The following LMOD1 variants were observed in gnomAD, a reference collection of about 807,000 sequenced individuals.
LMOD1 encodes the protein leiomodin-1.
A neutral mutation model predicts 36.5 loss-of-function variants in LMOD1; 8 were observed. The ratio of observed to expected loss-of-function variants is 0.22; its 90% CI spans 0.13 to 0.40. The LOEUF is 0.40. Ranked by LOEUF, LMOD1 falls within the 10% of genes least tolerant of loss-of-function variation. The probability of loss-of-function intolerance (pLI) is 1.00; values close to 1 mark genes in which losing one functional copy is unlikely to be tolerated. For synonymous variants in LMOD1, 284 were observed against 288.7 expected (o/e 0.98, Z 0.17); for missense variants, 630 against 751.1 (o/e 0.84, Z 1.88).
chr1:201,924,673 GAAAGA>G (rs1296839865), intron 1 of LMOD1, among the ~76,000 whole-genome samples: 1 of 11,920 alleles, frequency 8.4e-5, no homozygotes, highest in Non-Finnish European at 2.5e-4. Context: ...AAAAAAGAAA[GAAAGA>G]AAGAAAGAAA....
At chr1:201,918,586 G>A (rs1174258913) in intron 1 of LMOD1, among the ~76,000 whole-genome samples, 1 of 152,102 alleles carries the variant, frequency 6.6e-6, no homozygotes, top group African/African-American at 2.4e-5. Flanking sequence ...GGCTCTCTTG[G>A]GTCTTGTTGC....
chr1:201,933,595 T>TTTTATATATATA (rs1553298744), intron 1 of LMOD1, among the ~76,000 whole-genome samples: 1 of 63,234 alleles, frequency 1.6e-5, no homozygotes, highest in African/African-American at 4.6e-5. Flanking sequence ...TATACATACA[T>TTTTATATATATA]TATATATATA....
intron 1 of LMOD1, among the ~76,000 whole-genome samples, chr1:201,901,530 G>GTGTA (rs1273957700): frequency 2.0e-5 from 1 of 50,060 alleles, no homozygotes; most frequent in African/African-American, 1.1e-4. Context: ...ATATATATAT[G>GTGTA]TATATATATA....
intron 1 of LMOD1, among the ~76,000 whole-genome samples, chr1:201,909,688 T>G (rs781564911): frequency 2.6e-5 from 4 of 152,208 alleles, no homozygotes; most frequent in Non-Finnish European, 5.9e-5. Flanking sequence ...ACCTCACTTC[T>G]CCAGCATAAC....
intron 1 of LMOD1, among the ~76,000 whole-genome samples, chr1:201,912,053 C>T (rs1681504797): frequency 6.6e-6 from 1 of 152,120 alleles, no homozygotes; most frequent in African/African-American, 2.4e-5. Flanking sequence ...TTCCAGTCTG[C>T]TAATGTATGT....
At chr1:201,901,660 GTATATATATATATACACATA>G (rs1681325971) in intron 1 of LMOD1, among the ~76,000 whole-genome samples, 2 of 85,614 alleles carry the variant, frequency 2.3e-5, no homozygotes, top group Non-Finnish European at 4.5e-5. Flanking sequence ...ATATATATGT[GTATATATATATATACACATA>G]TATATATGTG....
At chr1:201,933,642 G>A (rs1681969351) in intron 1 of LMOD1, among the ~76,000 whole-genome samples, 2 of 122,950 alleles carry the variant, frequency 1.6e-5, no homozygotes, top group Non-Finnish European at 1.8e-5. Flanking sequence ...CTAACCTAGG[G>A]GATTAGAAAT....
At chr1:201,910,741 A>ATTTTTT (rs1454275213) in intron 1 of LMOD1, among the ~76,000 whole-genome samples, 26 of 28,240 alleles carry the variant, frequency 9.2e-4, no homozygotes, top group Non-Finnish European at 1.7e-3. Flanking sequence ...AGATGGTGTC[A>ATTTTTT]TTCTTTTTTT....
chr1:201,934,602 C>T (rs1408054388), intron 1 of LMOD1, among the ~76,000 whole-genome samples: 1 of 152,194 alleles, frequency 6.6e-6, no homozygotes, highest in Non-Finnish European at 1.5e-5. Context: ...TATTCTGCTT[C>T]CCATTAGAAC....
Position 201,900,245 on chromosome 1 carries a change from T to A in LMOD1, c.768A>T (p.Lys256Asn). Reference protein sequence around the residue: ...TDMKKEDEKVKRGTGNTDTKK... With the variant: ...TDMKKEDEKVNRGTGNTDTKK... Reference sequence around the variant, plus strand: ...TGGTGTCTGTGTTCCCAGTTCCTCTTTTTACCTTCTCATCCTCCTTTTTCA... The same window carrying A: ...TGGTGTCTGTGTTCCCAGTTCCTCTATTTACCTTCTCATCCTCCTTTTTCA... The change falls in exon 2 of 3, where the codon AAA becomes AAT. Residue 256 changes from lysine to asparagine, a missense_variant. Lys to Asn is a moderately conservative substitution (Grantham distance 94). Coordinates refer to ENST00000367288, the MANE Select transcript of LMOD1 (RefSeq NM_012134.3). 1 of 1,613,824 alleles carries A rather than the reference T, an allele frequency of 6.2e-7. No individual in the cohort carries two copies. The highest frequency in any genetic ancestry group is 8.5e-7 in the Non-Finnish European group (1 of 1,179,812).
intron 1 of LMOD1, among the ~76,000 whole-genome samples, chr1:201,923,631 C>CG (rs1457792366): frequency 1.3e-5 from 2 of 151,238 alleles, no homozygotes; most frequent in Admixed American, 1.3e-4. Context: ...GAGAGGCCAA[C>CG]GGGGGGCAGA....
intron 1 of LMOD1, among the ~76,000 whole-genome samples, chr1:201,938,131 CTT>C (rs200629884): frequency 1.9e-4 from 26 of 139,316 alleles, no homozygotes; most frequent in Admixed American, 2.9e-4. Flanking sequence ...TTGTAATTTC[CTT>C]TTTTTTTTTT....
chr1:201,899,391 A>C lies in LMOD1; in HGVS notation c.1622T>G (p.Leu541Trp). 6.7e-7 allele frequency: 1 copy of C among 1,488,620 alleles called. No homozygotes were observed. The highest frequency in any genetic ancestry group is 9.3e-7 in the Non-Finnish European group (1 of 1,070,058). The allele number at this position is 1,488,620 out of a possible 1,614,324, so 92.2% of individuals were successfully genotyped here. ...GTTCTCCATGATAAGGGGTGGAGCC[A>C]AGGGAGGGGGAGGGGGTGGTGGGGC... ...PAAPPPPPPP[L>W]APPLIMENLK... Residue 541 changes from leucine (L) to tryptophan (W), a missense_variant, in exon 2 of 3, where the codon TTG becomes TGG. Physicochemically the swap from Leu to Trp is moderately conservative, Grantham distance 61. Transcript: ENST00000367288. This position sits in a 1 kb window ranked among gnomAD's most constrained non-coding sequence, Gnocchi z 6.3.
In LMOD1 at chr1:201,901,624, GTGTGTGTA is replaced by G. The variant is rs1182267306; in HGVS notation, c.262-881_262-874del. ...TATATATATATACACATATATATGT[GTGTGTGTA>G]TATATATATATATATACATATATAT... On this transcript the variant is annotated intron_variant, in intron 1 of 2. Transcript: ENST00000367288. Among the ~76,000 whole-genome samples the G allele has an allele frequency of 5.9e-3, 75 of 12,608 alleles. 3 individuals carry two copies. Among genetic ancestry groups the G allele is most frequent in the South Asian group, 0.034 (10 of 292 alleles). The allele number at this position is 12,608 out of a possible 152,430, so 8.3% of individuals were successfully genotyped here. A position where few individuals can be genotyped will look rare whatever the true frequency, so the allele number is the denominator to read the frequency against.
intron 1 of LMOD1, among the ~76,000 whole-genome samples, chr1:201,945,802 T>C (rs1460723144): frequency 2.0e-5 from 3 of 152,176 alleles, no homozygotes; most frequent in Non-Finnish European, 4.4e-5. Context: ...GACAATGGAC[T>C]CTTCAAGGAC....
intron 1 of LMOD1, among the ~76,000 whole-genome samples, chr1:201,927,028 C>T (rs1354040217): frequency 6.6e-6 from 1 of 152,146 alleles, no homozygotes; most frequent in Non-Finnish European, 1.5e-5. Context: ...TGGCTATTTT[C>T]CTTTTTTTCC....
At chr1:201,919,995 A>C (rs529809504) in intron 1 of LMOD1, among the ~76,000 whole-genome samples, 1 of 150,380 alleles carries the variant, frequency 6.6e-6, no homozygotes, top group African/African-American at 2.4e-5. Context: ...CAAAGAGTAG[A>C]AGGAATATAT....
chr1:201,921,959 CA>C (rs34830505), intron 1 of LMOD1, among the ~76,000 whole-genome samples: 144,512 of 147,634 alleles, frequency 0.98, 70,775 homozygotes, highest in Non-Finnish European at 1. Flanking sequence ...GATTCCATCT[CA>C]AAAAAAAAAA....
At chr1:201,923,929 G>GAGAA (rs1447729806) in intron 1 of LMOD1, among the ~76,000 whole-genome samples, 6 of 145,224 alleles carry the variant, frequency 4.1e-5, no homozygotes, top group East Asian at 2.0e-4. Flanking sequence ...GAGAGAGAGA[G>GAGAA]AGAAAGAAAG....
Sources: gnomAD v4.1 joint callset for allele counts (sites outside exome capture counted in the v4.1 genomes callset) on GRCh38, gnomAD v4.1.1 for gene constraint, Gnocchi (gnomAD v3.1) non-coding constraint, MANE v1.5 for transcripts, NCBI Gene and HGNC (gene_info 2026-07-23, HGNC 2026-07-21) for gene names.